The following LRRC4C variants were observed in gnomAD, a reference collection of about 807,000 sequenced individuals.
LRRC4C encodes the protein leucine rich repeat containing 4C.
LRRC4C carries 5 observed loss-of-function variants against 33.6 expected under a neutral mutation model. The observed-to-expected ratio is 0.15, with a 90% CI of 0.08 to 0.31. LRRC4C has a LOEUF of 0.31. Ranked by LOEUF, LRRC4C falls within the 10% of genes least tolerant of loss-of-function variation. The probability of loss-of-function intolerance (pLI) is 1.00; values close to 1 mark genes in which losing one functional copy is unlikely to be tolerated. For missense variants in LRRC4C, 560 were observed against 796.7 expected (o/e 0.70, Z 3.58); for synonymous variants, 329 against 302.0 (o/e 1.09, Z -0.93).
chr11:40,119,606 A>G (rs1182803891), intron 6 of LRRC4C, among the ~76,000 whole-genome samples: 1 of 152,172 alleles, frequency 6.6e-6, no homozygotes, highest in African/African-American at 2.4e-5. Flanking sequence ...TGTATGACAA[A>G]GCAAATATCT....
In LRRC4C at chr11:40,303,541, T is replaced by A. The variant is rs140721828; in HGVS notation, c.-176+16087A>T. ...CCTAAACATTGTCCCTGCTTAAATT[T>A]CCACTGGAGCTATATGAGAAGAGTA... is the stretch of plus-strand genomic sequence containing the variant. On this transcript the variant is annotated intron_variant, in intron 4 of 6. Coordinates refer to ENST00000528697, the MANE Select transcript of LRRC4C (RefSeq NM_001258419.2). Among the ~76,000 whole-genome samples the A allele has an allele frequency of 3.1e-3, 474 of 152,278 alleles. 4 individuals are homozygous for A. Among genetic ancestry groups the A allele is most frequent in the African/African-American group, 0.011 (450 of 41,570 alleles).
At chr11:40,868,036 G>T (rs1591942282) in intron 2 of LRRC4C, among the ~76,000 whole-genome samples, 1 of 152,112 alleles carries the variant, frequency 6.6e-6, no homozygotes, top group Non-Finnish European at 1.5e-5. Flanking sequence ...GCTAGGGAGG[G>T]CTCCAGAATT....
chr11:40,707,627 G>T (rs540420675), intron 2 of LRRC4C, among the ~76,000 whole-genome samples: 34 of 152,216 alleles, frequency 2.2e-4, no homozygotes, highest in African/African-American at 8.2e-4. Flanking sequence ...TTTTATTGAG[G>T]ATTTTTGCAT....
chr11:40,717,832 G>A (rs1287729963), intron 2 of LRRC4C, among the ~76,000 whole-genome samples: 1 of 152,062 alleles, frequency 6.6e-6, no homozygotes, highest in East Asian at 1.9e-4. Context: ...GAAAACCCCT[G>A]GCTTCCAAGT....
intron 6 of LRRC4C, among the ~76,000 whole-genome samples, chr11:40,132,735 C>T (rs966201907): frequency 4.0e-5 from 6 of 151,460 alleles, no homozygotes; most frequent in Admixed American, 3.9e-4. Context: ...TAACCAAAAC[C>T]CCAATAAGGA....
At chr11:40,747,137 T>A (rs1948467612) in intron 2 of LRRC4C, among the ~76,000 whole-genome samples, 1 of 151,812 alleles carries the variant, frequency 6.6e-6, no homozygotes, top group Admixed American at 6.6e-5. Context: ...TTGCCACCAC[T>A]GGGGCCCAAA....
intron 4 of LRRC4C, among the ~76,000 whole-genome samples, chr11:40,296,940 G>A (rs573855336): frequency 1.3e-5 from 2 of 152,260 alleles, no homozygotes; most frequent in South Asian, 4.1e-4. Flanking sequence ...GAGGCACAGT[G>A]CTAGCATGCT....
At chr11:40,371,556 T>C (rs1172426465) in intron 3 of LRRC4C, among the ~76,000 whole-genome samples, 5 of 152,220 alleles carry the variant, frequency 3.3e-5, no homozygotes, top group African/African-American at 1.2e-4. Flanking sequence ...AACTAAGACT[T>C]GCTGAGTTTA....
chr11:41,137,771 A>G (rs1322021239), intron 1 of LRRC4C, among the ~76,000 whole-genome samples: 2 of 152,226 alleles, frequency 1.3e-5, no homozygotes, highest in East Asian at 3.8e-4. Context: ...TTTCTCCAAA[A>G]GTGTGAATAT....
intron 1 of LRRC4C, among the ~76,000 whole-genome samples, chr11:41,023,107 G>C (rs1218496231): frequency 2.0e-5 from 3 of 151,778 alleles, no homozygotes; most frequent in African/African-American, 7.3e-5. Flanking sequence ...AAGGACATAA[G>C]AGAACATCAC....
chr11:40,453,617 G>GAAAAAAAA (rs149112559), intron 3 of LRRC4C, among the ~76,000 whole-genome samples: 17 of 143,770 alleles, frequency 1.2e-4, no homozygotes, highest in African/African-American at 3.3e-4. Flanking sequence ...GGCATTCTAA[G>GAAAAAAAA]AAAAAAAAAA....
chr11:40,818,568 C>CCTTTCTCCTAA (rs1212165971), intron 2 of LRRC4C, among the ~76,000 whole-genome samples: 5 of 151,902 alleles, frequency 3.3e-5, no homozygotes, highest in Non-Finnish European at 7.4e-5. Flanking sequence ...TATTTTTGTT[C>CCTTTCTCCTAA]AGTTTCTATG....
intron 2 of LRRC4C, among the ~76,000 whole-genome samples, chr11:40,681,259 C>T (rs1340658583): frequency 1.3e-5 from 2 of 152,124 alleles, no homozygotes; most frequent in South Asian, 4.1e-4. Context: ...TACAAGAGTA[C>T]ATAAATACAG....
intron 1 of LRRC4C, among the ~76,000 whole-genome samples, chr11:41,036,349 A>G (rs1857063000): frequency 6.6e-6 from 1 of 152,296 alleles, no homozygotes; most frequent in African/African-American, 2.4e-5. Flanking sequence ...AAGGTGAATA[A>G]TGACCCAAAG....
chr11:40,348,706 A>T (rs1947248710), intron 3 of LRRC4C, among the ~76,000 whole-genome samples: 1 of 152,184 alleles, frequency 6.6e-6, no homozygotes, highest in Non-Finnish European at 1.5e-5. Context: ...CCAAATCTGT[A>T]ACTCTTTCTA....
At chr11:41,174,486 A>G (rs1945110476) in intron 1 of LRRC4C, among the ~76,000 whole-genome samples, 1 of 152,088 alleles carries the variant, frequency 6.6e-6, no homozygotes, top group African/African-American at 2.4e-5. Context: ...ATAATAAATA[A>G]AAATATAAGT....
intron 3 of LRRC4C, among the ~76,000 whole-genome samples, chr11:40,439,887 G>T (rs1033964668): frequency 8.5e-5 from 13 of 152,202 alleles, no homozygotes; most frequent in African/African-American, 3.1e-4. Context: ...GCAGCAGCCT[G>T]CTAGACCAAG....
chr11:40,743,125 T>G (rs748232785), intron 2 of LRRC4C, among the ~76,000 whole-genome samples: 1 of 152,042 alleles, frequency 6.6e-6, no homozygotes, highest in Non-Finnish European at 1.5e-5. Context: ...AGTATGAAAA[T>G]GGTACATTAG....
intron 1 of LRRC4C, among the ~76,000 whole-genome samples, chr11:41,296,930 C>T (rs1021076605): frequency 3.3e-5 from 5 of 152,190 alleles, no homozygotes; most frequent in African/African-American, 1.2e-4. Context: ...TGCATACAAG[C>T]AGTGAGAAAG....
Sources: gnomAD v4.1 joint callset for allele counts (sites outside exome capture counted in the v4.1 genomes callset) on GRCh38, gnomAD v4.1.1 for gene constraint, MANE v1.5 for transcripts, NCBI Gene and HGNC (gene_info 2026-07-23, HGNC 2026-07-21) for gene names.